Variants in TOP6BL observed in about 807,000 individuals in gnomAD.
The protein encoded by TOP6BL is type 2 DNA topoisomerase 6 subunit B-like.
At chr11:66,843,228 G>A in the TOP6BL span, 3 of 1,609,444 alleles carry the variant, frequency 1.9e-6, no homozygotes, top group Middle Eastern at 2.0e-4. Flanking sequence ...CCAGCCCTGG[G>A]CCCTGAGCCG....
the TOP6BL span, among the ~76,000 whole-genome samples, chr11:66,808,438 A>G: frequency 6.6e-6 from 1 of 152,030 alleles, no homozygotes; most frequent in Non-Finnish European, 1.5e-5. Context: ...TGAAGTGGGA[A>G]GATTGCTTGA....
the TOP6BL span, among the ~76,000 whole-genome samples, chr11:66,806,097 G>C: frequency 1.3e-5 from 2 of 152,166 alleles, no homozygotes; most frequent in African/African-American, 4.8e-5. Context: ...GAAATGGTCA[G>C]ATTTAGAGAT....
the TOP6BL span, among the ~76,000 whole-genome samples, chr11:66,817,954 C>T: frequency 6.6e-6 from 1 of 152,186 alleles, no homozygotes; most frequent in Non-Finnish European, 1.5e-5. Context: ...AAGTGTTTCT[C>T]AATGCCCTCC....
chr11:66,769,155 T>C, the TOP6BL span, among the ~76,000 whole-genome samples: 2 of 152,160 alleles, frequency 1.3e-5, no homozygotes, highest in East Asian at 1.9e-4. Flanking sequence ...GGATACTGTA[T>C]TTTTTCTTGA....
At chr11:66,832,448 A>G in the TOP6BL span, among the ~76,000 whole-genome samples, 2 of 152,324 alleles carry the variant, frequency 1.3e-5, no homozygotes, top group East Asian at 3.9e-4. Context: ...CCTCCTCTGC[A>G]TCTGCTCTGC....
the TOP6BL span, chr11:66,815,983 G>C: frequency 8.4e-6 from 12 of 1,428,580 alleles, no homozygotes; most frequent in Non-Finnish European, 1.1e-5. Context: ...CAGAATACAG[G>C]TTCTGTAGTC....
the TOP6BL span, among the ~76,000 whole-genome samples, chr11:66,790,099 C>T: frequency 3.9e-5 from 6 of 151,936 alleles, no homozygotes; most frequent in Admixed American, 2.0e-4. Context: ...GGTGAAATCC[C>T]GTCTCTACAA....
the TOP6BL span, among the ~76,000 whole-genome samples, chr11:66,809,182 G>A: frequency 2.6e-4 from 39 of 152,278 alleles, no homozygotes; most frequent in African/African-American, 9.4e-4. Flanking sequence ...TTTAAGAACA[G>A]AATAATCAAG....
At chr11:66,820,967 C>T in the TOP6BL span, among the ~76,000 whole-genome samples, 2 of 152,064 alleles carry the variant, frequency 1.3e-5, no homozygotes, top group African/African-American at 4.8e-5. Flanking sequence ...TCTCTTCTTC[C>T]AAGAGGCATC....
the TOP6BL span, among the ~76,000 whole-genome samples, chr11:66,796,542 G>T: frequency 6.6e-6 from 1 of 152,078 alleles, no homozygotes; most frequent in African/African-American, 2.4e-5. Context: ...CATTTTGGGA[G>T]GCCGAGGCGG....
the TOP6BL span, among the ~76,000 whole-genome samples, chr11:66,789,526 T>G: frequency 1.3e-5 from 2 of 152,184 alleles, no homozygotes; most frequent in African/African-American, 4.8e-5. Flanking sequence ...TGCCTTATCT[T>G]CTTTAGGAGA....
chr11:66,836,058 T>C, the TOP6BL span, among the ~76,000 whole-genome samples: 2 of 152,238 alleles, frequency 1.3e-5, no homozygotes, highest in African/African-American at 4.8e-5. Context: ...ACTGTTGTCA[T>C]TGTTTTTCTT....
the TOP6BL span, chr11:66,813,890 T>A: frequency 6.2e-7 from 1 of 1,614,044 alleles, no homozygotes; most frequent in South Asian, 1.1e-5. Flanking sequence ...CCTTTGGGTC[T>A]GCCTCTGATA....
At chr11:66,761,975 C>G in the TOP6BL span, 2 of 1,566,954 alleles carry the variant, frequency 1.3e-6, no homozygotes, top group Non-Finnish European at 1.8e-6. Context: ...AGGGTTCCTC[C>G]TCACCATCAA....
chr11:66,762,402 C>G, the TOP6BL span: 1 of 346,084 alleles, frequency 2.9e-6, no homozygotes, highest in South Asian at 2.6e-5. Flanking sequence ...GGCAGCATGG[C>G]GGAGAGGACT....
chr11:66,751,498 A>AT, the TOP6BL span, among the ~76,000 whole-genome samples: 9,896 of 135,858 alleles, frequency 0.073, 414 homozygotes, highest in East Asian at 0.14. Context: ...TGGCTGACTA[A>AT]TTTTTTTTTT....
the TOP6BL span, among the ~76,000 whole-genome samples, chr11:66,814,723 C>A: frequency 1.3e-5 from 2 of 152,252 alleles, no homozygotes; most frequent in South Asian, 4.1e-4. Context: ...TACCTCTGAA[C>A]TACTGTGGAA....
the TOP6BL span, chr11:66,759,235 T>A: frequency 1.8e-6 from 1 of 558,192 alleles, no homozygotes; most frequent in African/African-American, 1.9e-5. Flanking sequence ...AAATTTGAAT[T>A]TCAGATAAAT....
the TOP6BL span, among the ~76,000 whole-genome samples, chr11:66,806,256 C>T: frequency 3.9e-5 from 6 of 152,152 alleles, no homozygotes; most frequent in Non-Finnish European, 5.9e-5. Flanking sequence ...GCCTTTACTT[C>T]CTCTGCTTTA....
Sources: allele counts gnomAD v4.1 joint callset (sites outside exome capture counted in the v4.1 genomes callset), GRCh38; gene constraint gnomAD v4.1.1; transcripts MANE v1.5; gene names NCBI Gene and HGNC (gene_info 2026-07-23, HGNC 2026-07-21).